LAMC2: variants seen among roughly 807,000 people sequenced by gnomAD.
The protein encoded by LAMC2 is laminin subunit gamma 2.
In LAMC2, 97 loss-of-function variants were observed where a neutral mutation model predicts 140.2. That is an observed-to-expected ratio of 0.69 (90% confidence interval 0.59 to 0.82). The LOEUF (loss-of-function observed/expected upper bound fraction) is 0.82. Among genes scored for constraint, LAMC2 ranks in the 40% least tolerant of loss-of-function variants. The pLI, the probability that LAMC2 is intolerant of heterozygous loss-of-function variation, is 0.00. For synonymous variants in LAMC2, 513 were observed against 540.2 expected (o/e 0.95, Z 0.70); for missense variants, 1,402 against 1,476.1 (o/e 0.95, Z 0.82).
intron 22 of LAMC2, 30 bp downstream of exon 22, chr1:183,240,421 A>G: frequency 6.2e-7 from 1 of 1,613,640 alleles, no homozygotes; most frequent in Middle Eastern, 1.7e-4. Context: ...ACAACCTTCC[A>G]GCTCCATGCT....
At chr1:183,224,378 C>CA (rs1475058138) in intron 7 of LAMC2, among the ~76,000 whole-genome samples, 1 of 152,156 alleles carries the variant, frequency 6.6e-6, no homozygotes, top group Non-Finnish European at 1.5e-5. Context: ...CCTTGTGTGT[C>CA]ATGTCAAGGA....
In LAMC2 at chr1:183,240,316, G is replaced by C; in HGVS notation, c.3253G>C (p.Asp1085His). The C allele has an allele frequency of 6.2e-7, 1 of 1,614,198 alleles. No individual in the cohort carries two copies. The highest frequency in any genetic ancestry group is 1.1e-5 in the South Asian group (1 of 91,078). Reference sequence around the variant, plus strand: ...GGTGATTACAGAAGCCCAGAAGGTTGATACCAGAGCCAAGAACGCTGGGGT... The same window carrying C: ...GGTGATTACAGAAGCCCAGAAGGTTCATACCAGAGCCAAGAACGCTGGGGT... ...QMVITEAQKV[D>H]TRAKNAGVTI... Residue 1085 changes from aspartate (D) to histidine (H), a missense_variant, in exon 22 of 23, where the codon GAT becomes CAT. Physicochemically the swap from Asp to His is moderately conservative, Grantham distance 81. Transcript: ENST00000264144.
chr1:183,186,523 T>G, intron 1 of LAMC2, 92 bp downstream of exon 1: 2 of 1,403,284 alleles, frequency 1.4e-6, no homozygotes, highest in Non-Finnish European at 2.0e-6. Context: ...CCTCCGAGGA[T>G]TCCCACTTTG....
intron 1 of LAMC2, among the ~76,000 whole-genome samples, chr1:183,205,136 A>C (rs919543588): frequency 3.3e-5 from 5 of 152,168 alleles, no homozygotes; most frequent in Admixed American, 6.6e-5. Context: ...GTTCTAAATA[A>C]GAAAGGCACA....
intron 1 of LAMC2, among the ~76,000 whole-genome samples, chr1:183,187,198 C>T (rs974188893): frequency 6.6e-6 from 1 of 152,176 alleles, no homozygotes; most frequent in South Asian, 2.1e-4. Flanking sequence ...GTTTATATTG[C>T]ATCCTGCATC....
chr1:183,228,879 G>A lies in LAMC2; in HGVS notation c.1714+260G>A, dbSNP rs1029057548. 6.6e-6 allele frequency among the ~76,000 whole-genome samples: 1 copy of A among 152,168 alleles called. No homozygotes were observed. The highest frequency in any genetic ancestry group is 1.5e-5 in the Non-Finnish European group (1 of 68,024). ...AAAAAGGTCAGGTTTACATTCCTACGCGGAAAAGGATGTAACACGGGGCCA... is the reference window on the plus strand; with the variant it reads ...AAAAAGGTCAGGTTTACATTCCTACACGGAAAAGGATGTAACACGGGGCCA... On this transcript the variant is annotated intron_variant, in intron 11 of 22. Transcript: ENST00000264144. This position sits in a 1 kb window ranked among gnomAD's most constrained non-coding sequence, Gnocchi z 4.3.
intron 2 of LAMC2, 88 bp downstream of exon 2, chr1:183,208,157 G>A: frequency 8.1e-7 from 1 of 1,237,198 alleles, no homozygotes. Context: ...GAAGAAGGAA[G>A]GGAACAACGG....
rs1258427639 is a variant in LAMC2, at chr1:183,215,576, A to G, written c.392A>G (p.Asp131Gly). ...CTCACGGATGCGGGGTGCACCCAAG[A>G]CCAGAGACTGCTGTGAGTATTTGCA... ...HMLTDAGCTQ[D>G]QRLLDSKCDC... is the part of the protein sequence containing the mutation. The change falls in exon 3 of 23, where the codon GAC becomes GGC. Residue 131 changes from aspartate (D) to glycine (G), a missense_variant. Around this residue, in one of 3 missense-constraint regions of LAMC2, gnomAD observed 723 missense variants for 783.3 expected, o/e 0.92. Transcript: ENST00000264144. The G allele has an allele frequency of 1.2e-6, 2 of 1,614,084 alleles. No homozygotes were observed. Among genetic ancestry groups the G allele is most frequent in the Non-Finnish European group, 1.7e-6 (2 of 1,180,018 alleles).
At position 183,239,446 on chromosome 1, in the gene LAMC2, A is replaced by C; in HGVS notation, c.2952A>C (p.Ser984=). ...KRLSYISQKV[S]DASDKTQQAE... is the part of the protein sequence containing the mutation. ...TCTCCTACATCAGCCAGAAGGTTTC[A>C]GATGCCAGTGACAAGACCCAGCAAG... The change falls in exon 20 of 23, where the codon TCA becomes TCC. Residue 984 remains serine, a synonymous_variant. Transcript: ENST00000264144. 1 of 1,614,212 alleles carries C rather than the reference A, an allele frequency of 6.2e-7. No homozygotes were observed. Among genetic ancestry groups the C allele is most frequent in the Non-Finnish European group, 8.5e-7 (1 of 1,180,016 alleles).
intron 2 of LAMC2, among the ~76,000 whole-genome samples, chr1:183,212,045 TG>T (rs1659085831): frequency 6.6e-6 from 1 of 152,152 alleles, no homozygotes; most frequent in South Asian, 2.1e-4. Flanking sequence ...GCTATTATTT[TG>T]GAAGTTTTGG....
intron 1 of LAMC2, 35 bp downstream of exon 1, chr1:183,186,466 T>A: frequency 1.3e-6 from 2 of 1,592,296 alleles, no homozygotes; most frequent in Non-Finnish European, 1.7e-6. Context: ...ATCTCAGCCC[T>A]GGGCTGAGAA....
intron 12 of LAMC2, 136 bp from the exon 13 acceptor site, chr1:183,232,051 G>C (rs1659814481): frequency 1.9e-6 from 2 of 1,041,478 alleles, no homozygotes; most frequent in Non-Finnish European, 3.0e-6. Flanking sequence ...CTAGGCTCCA[G>C]GGTCTAAAAT....
chr1:183,238,262 C>G (rs374675337), intron 18 of LAMC2, 45 bp from the exon 19 acceptor site: 1 of 1,393,662 alleles, frequency 7.2e-7, no homozygotes, highest in South Asian at 1.2e-5. Flanking sequence ...ATTTTGCCAG[C>G]AGGAATGTAC....
chr1:183,203,566 C>T (rs1658790822), intron 1 of LAMC2, among the ~76,000 whole-genome samples: 1 of 149,924 alleles, frequency 6.7e-6, no homozygotes, highest in Non-Finnish European at 1.5e-5. Flanking sequence ...TGAGAGAGAC[C>T]ATTTTTCAAA....
chr1:183,229,821 A>G (rs904752423), intron 11 of LAMC2, among the ~76,000 whole-genome samples: 1 of 152,044 alleles, frequency 6.6e-6, no homozygotes, highest in African/African-American at 2.4e-5. Flanking sequence ...AAATCCCTTC[A>G]GGAATTCTAG....
At chr1:183,240,607 A>G (rs1296472367) in intron 22 of LAMC2, 4 of 1,427,170 alleles carry the variant, frequency 2.8e-6, no homozygotes, top group Admixed American at 2.9e-5. Context: ...CTGAACACCT[A>G]TTGCACTTGG....
intron 1 of LAMC2, among the ~76,000 whole-genome samples, chr1:183,204,103 A>G (rs1407914581): frequency 6.6e-6 from 1 of 152,070 alleles, no homozygotes; most frequent in Admixed American, 6.5e-5. Context: ...CAGCCTGGGC[A>G]ATACCACGAG....
chr1:183,220,857 G>C lies in LAMC2; in HGVS notation c.536G>C (p.Gly179Ala). 6.2e-7 allele frequency: 1 copy of C among 1,613,818 alleles called. No individual in the cohort carries two copies. Among genetic ancestry groups the C allele is most frequent in the Non-Finnish European group, 8.5e-7 (1 of 1,179,714 alleles). Reference sequence around the variant, plus strand: ...TCAGGTTACTATAATCTGGATGGGGGGAACCCTGAGGGCTGTACCCAGTGT... The same window carrying C: ...TCAGGTTACTATAATCTGGATGGGGCGAACCCTGAGGGCTGTACCCAGTGT... The part of the protein sequence containing the change: ...CRSGYYNLDG[G>A]NPEGCTQCFC... The change falls in exon 5 of 23, where the codon GGG (glycine) becomes GCG (alanine). Residue 179 changes from glycine (G) to alanine (A), a missense_variant. Physicochemically the swap from Gly to Ala is moderately conservative, Grantham distance 60. Transcript: ENST00000264144.
At chr1:183,253,266 CTATAT>C in the LAMC2 span, among the ~76,000 whole-genome samples, 20 of 146,772 alleles carry the variant, frequency 1.4e-4, no homozygotes, top group Admixed American at 2.7e-4. Flanking sequence ...ATATATTATA[CTATAT>C]TATATTATTT....
Sources: allele counts gnomAD v4.1 joint callset (sites outside exome capture counted in the v4.1 genomes callset), GRCh38; gene constraint gnomAD v4.1.1; regional missense constraint gnomAD v4.1.1; non-coding constraint Gnocchi (gnomAD v3.1); transcripts MANE v1.5; gene names NCBI Gene and HGNC (gene_info 2026-07-23, HGNC 2026-07-21).